Variants in PRICKLE1 observed in about 807,000 individuals in gnomAD.
The protein encoded by PRICKLE1 is prickle planar cell polarity protein 1, also known as prickle-like protein 1.
PRICKLE1 carries 14 observed loss-of-function variants against 70.2 expected under a neutral mutation model. The observed-to-expected ratio is 0.20, with a 90% CI of 0.13 to 0.31. The LOEUF is 0.31. PRICKLE1 is among the 10% of genes least tolerant of loss of function. PRICKLE1 has a pLI of 1.00. For synonymous variants in PRICKLE1, 357 were observed against 379.9 expected, an observed-to-expected ratio of 0.94 and a Z score of 0.70; for missense variants, 821 against 1,026.2, an observed-to-expected ratio of 0.80 and a Z score of 2.73.
chr12:42,523,121 C>T (rs2034616), intron 1 of PRICKLE1, among the ~76,000 whole-genome samples: 23,084 of 152,120 alleles, frequency 0.15, 1,976 homozygotes, highest in Admixed American at 0.22. Flanking sequence ...GCCACCATGC[C>T]AGGCTAATTT....
intron 1 of PRICKLE1, among the ~76,000 whole-genome samples, chr12:42,547,003 C>T (rs940311279): frequency 2.0e-5 from 3 of 152,114 alleles, no homozygotes; most frequent in Non-Finnish European, 4.4e-5. Flanking sequence ...AAAATATACC[C>T]CAAGTTTTTG....
At chr12:42,560,768 TCACACACA>T (rs71084672) in intron 1 of PRICKLE1, among the ~76,000 whole-genome samples, 2,306 of 127,700 alleles carry the variant, frequency 0.018, 34 homozygotes, top group East Asian at 0.062. Context: ...GCCCATCTTC[TCACACACA>T]CACACACACA....
chr12:42,579,759 A>G (rs1158785106), intron 1 of PRICKLE1, among the ~76,000 whole-genome samples: 1 of 152,228 alleles, frequency 6.6e-6, no homozygotes, highest in Non-Finnish European at 1.5e-5. Context: ...TTAATTAAAA[A>G]CCAAATAAAA....
chr12:42,498,766 G>C (rs1012362827), intron 1 of PRICKLE1, among the ~76,000 whole-genome samples: 2 of 152,034 alleles, frequency 1.3e-5, no homozygotes, highest in Non-Finnish European at 2.9e-5. Flanking sequence ...TCACTTTCAG[G>C]CTGTAGAACT....
intron 1 of PRICKLE1, among the ~76,000 whole-genome samples, chr12:42,516,567 C>T (rs1939615706): frequency 6.6e-6 from 1 of 151,986 alleles, no homozygotes; most frequent in South Asian, 2.1e-4. Context: ...AAGTGTTCTC[C>T]TTTGTATCTG....
intron 1 of PRICKLE1, among the ~76,000 whole-genome samples, chr12:42,478,116 CT>C (rs533777015): frequency 5.0e-4 from 76 of 152,016 alleles, no homozygotes; most frequent in African/African-American, 1.8e-3. Context: ...CTCCCTCTCC[CT>C]CTTTCTCTCT....
intron 1 of PRICKLE1, among the ~76,000 whole-genome samples, chr12:42,555,253 G>A (rs941382563): frequency 4.6e-5 from 7 of 152,082 alleles, no homozygotes; most frequent in East Asian, 1.9e-4. Context: ...GTAGTGAGTC[G>A]AGATCACGCC....
chr12:42,470,381 T>G, intron 2 of PRICKLE1, 22 bp from the exon 3 acceptor site: 1 of 1,447,016 alleles, frequency 6.9e-7, no homozygotes. Context: ...ACAGTGAGAA[T>G]GGCATCAACA....
chr12:42,550,968 A>G (rs1940304508), intron 1 of PRICKLE1, among the ~76,000 whole-genome samples: 1 of 152,228 alleles, frequency 6.6e-6, no homozygotes, highest in Non-Finnish European at 1.5e-5. Context: ...TTGGGAATTA[A>G]TAGAAACCAT....
At chr12:42,572,918 T>G (rs1046445534) in intron 1 of PRICKLE1, among the ~76,000 whole-genome samples, 5 of 152,194 alleles carry the variant, frequency 3.3e-5, no homozygotes, top group Non-Finnish European at 2.9e-5. Flanking sequence ...ATACAAAATC[T>G]TACATAGAGT....
In PRICKLE1 at chr12:42,488,252, T is replaced by C. The variant is rs1939024003; in HGVS notation, c.-48-15688A>G. Among the ~76,000 whole-genome samples the C allele has an allele frequency of 3.9e-5, 6 of 152,116 alleles. No individual in the cohort carries two copies. The South Asian group carries it at 1.2e-3, about 32-fold the overall frequency. ...TAGTATTTCCTGGGTCTCTAAAGAC[T>C]CAATAGCTGATTATGACACTAATAC... On this transcript the variant is annotated intron_variant, in intron 1 of 7. Coordinates refer to ENST00000345127, the MANE Select transcript of PRICKLE1 (RefSeq NM_153026.3).
At chr12:42,544,068 AG>A in intron 1 of PRICKLE1, among the ~76,000 whole-genome samples, 1 of 48,698 alleles carries the variant, frequency 2.1e-5, no homozygotes, top group East Asian at 9.7e-4. Flanking sequence ...AAGAAGGAAG[AG>A]AAGAAGGGGC....
intron 1 of PRICKLE1, among the ~76,000 whole-genome samples, chr12:42,520,261 C>G (rs952110271): frequency 6.6e-6 from 1 of 152,170 alleles, no homozygotes; most frequent in Non-Finnish European, 1.5e-5. Flanking sequence ...CACACTGCGA[C>G]TAAATTTCTC....
At chr12:42,530,775 C>T (rs1172201140) in intron 1 of PRICKLE1, among the ~76,000 whole-genome samples, 3 of 144,038 alleles carry the variant, frequency 2.1e-5, no homozygotes, top group Admixed American at 7.3e-5. Context: ...CAACCTCTGC[C>T]TCCCGGGTTC....
intron 1 of PRICKLE1, among the ~76,000 whole-genome samples, chr12:42,531,395 C>T (rs1939916296): frequency 6.6e-6 from 1 of 152,178 alleles, no homozygotes; most frequent in Non-Finnish European, 1.5e-5. Flanking sequence ...TTAGGTTATA[C>T]ATTCACACAG....
At chr12:42,532,080 G>A (rs1009978555) in intron 1 of PRICKLE1, among the ~76,000 whole-genome samples, 14 of 152,186 alleles carry the variant, frequency 9.2e-5, no homozygotes, top group African/African-American at 2.9e-4. Context: ...GGAAACGATC[G>A]CTTGAGCCTG....
In PRICKLE1 at chr12:42,585,121, C is replaced by T. The variant is rs561564948; in HGVS notation, c.-49+4344G>A. Among the ~76,000 whole-genome samples, 8 of 152,060 alleles carry T rather than the reference C, an allele frequency of 5.3e-5. No individual in the cohort carries two copies. The East Asian group carries it at 1.5e-3, about 29-fold the overall frequency. ...CCCAAATCTACCAGTGAGAAAAATG[C>T]AACTGCTGTTGAATTGGTCAGTTGA... On this transcript the variant is annotated intron_variant, in intron 1 of 7. Transcript: ENST00000345127.
intron 1 of PRICKLE1, among the ~76,000 whole-genome samples, chr12:42,490,509 A>T (rs1457176390): frequency 3.3e-5 from 5 of 152,250 alleles, no homozygotes; most frequent in Non-Finnish European, 5.9e-5. Flanking sequence ...GGTCGTATTT[A>T]TGCCCTAATT....
chr12:42,505,428 TG>T (rs1476896379), intron 1 of PRICKLE1, among the ~76,000 whole-genome samples: 1 of 152,178 alleles, frequency 6.6e-6, no homozygotes, highest in East Asian at 1.9e-4. Flanking sequence ...AGGTTGCCTT[TG>T]TTTTTTTGTT....
Sources: allele counts gnomAD v4.1 joint callset (sites outside exome capture counted in the v4.1 genomes callset), GRCh38; gene constraint gnomAD v4.1.1; transcripts MANE v1.5; gene names NCBI Gene and HGNC (gene_info 2026-07-23, HGNC 2026-07-21).